GEN1: variants seen among roughly 807,000 people sequenced by gnomAD.
GEN1 encodes GEN1 structure-specific endonuclease, also known as flap endonuclease GEN homolog 1.
Under a neutral mutation model 67.6 loss-of-function variants are expected in GEN1, and 64 were observed. The ratio of observed to expected loss-of-function variants is 0.95; its 90% CI spans 0.77 to 1.17. GEN1 has a LOEUF of 1.17. Ranked by LOEUF, GEN1 falls within the 50% of genes most tolerant of loss-of-function variation. GEN1 has a pLI of 0.00. For missense variants in GEN1, 1,058 were observed against 1,048.3 expected (o/e 1.01, Z -0.13); for synonymous variants, 371 against 359.4 (o/e 1.03, Z -0.37).
Position 17,780,613 on chromosome 2 carries a change from C to A in GEN1, c.1409-8C>A. ...AATGTTGATTATATGTATTTTTTTT[C>A]TTTTCAGGTATTAAGCCTAAAGAAA... is the stretch of plus-strand genomic sequence containing the variant. On this transcript the variant is annotated splice_region_variant and splice_polypyrimidine_tract_variant and intron_variant, in intron 13 of 13. Transcript: ENST00000381254. 1.3e-6 allele frequency: 2 copies of A among 1,498,084 alleles called. No homozygotes were observed. The highest frequency in any genetic ancestry group is 2.6e-5 in the South Asian group (2 of 76,128). 92.8% of individuals were successfully genotyped at this position (1,498,084 alleles called of 1,614,324 possible).
At chr2:17,769,531 T>C (rs1312987884) in intron 6 of GEN1, among the ~76,000 whole-genome samples, 1 of 152,238 alleles carries the variant, frequency 6.6e-6, no homozygotes, top group Non-Finnish European at 1.5e-5. Context: ...AAAATAATTT[T>C]GTATTTAATA....
intron 12 of GEN1, among the ~76,000 whole-genome samples, chr2:17,779,753 C>T (rs1232781766): frequency 2.0e-5 from 3 of 152,084 alleles, no homozygotes; most frequent in Non-Finnish European, 2.9e-5. Flanking sequence ...AGGCACGCAC[C>T]AGCATGCCCG....
chr2:17,764,481 A>T (rs1671829277), intron 3 of GEN1, among the ~76,000 whole-genome samples: 1 of 152,234 alleles, frequency 6.6e-6, no homozygotes, highest in Non-Finnish European at 1.5e-5. Flanking sequence ...TTAATTTTTT[A>T]TTACAGAAAA....
intron 5 of GEN1, 102 bp from the exon 6 acceptor site, chr2:17,768,636 T>TA (rs1572401823): frequency 1.3e-6 from 1 of 796,750 alleles, no homozygotes; most frequent in Non-Finnish European, 2.1e-6. Flanking sequence ...ATTGAAGAGT[T>TA]ACCTCATTCT....
At chr2:17,770,495 G>A (rs1018911364) in intron 6 of GEN1, among the ~76,000 whole-genome samples, 6 of 152,080 alleles carry the variant, frequency 3.9e-5, no homozygotes, top group African/African-American at 1.4e-4. Context: ...ACTTGTTTAA[G>A]TAGAGGAACA....
In GEN1 at chr2:17,782,689, C is replaced by A. The variant is rs1370894936; in HGVS notation, c.*750C>A. Reference sequence around the variant, plus strand: ...AAGATTTGGAAAATCAAATGTATAACCAAAAGGATTAGAAACTAGCCCAGG... The same window carrying A: ...AAGATTTGGAAAATCAAATGTATAAACAAAAGGATTAGAAACTAGCCCAGG... On this transcript the variant is annotated 3_prime_UTR_variant, in exon 14 of 14. Transcript: ENST00000381254. The A allele has an allele frequency of 1.3e-5, 2 of 152,120 alleles. No homozygotes were observed. The highest frequency in any genetic ancestry group is 1.3e-4 in the Admixed American group (2 of 15,280). The allele number at this position is 152,120 out of a possible 1,614,324, so 9.4% of individuals were successfully genotyped here.
chr2:17,780,604 A>AT lies in GEN1; in HGVS notation c.1409-9dup, dbSNP rs751718144. The AT allele has an allele frequency of 2.8e-5, 40 of 1,444,028 alleles. No homozygotes were observed. Among genetic ancestry groups the AT allele is most frequent in the African/African-American group, 8.5e-5 (6 of 70,214 alleles). The allele number at this position is 1,444,028 out of a possible 1,614,324, so 89.5% of individuals were successfully genotyped here. On this transcript the variant is annotated splice_polypyrimidine_tract_variant and intron_variant, in intron 13 of 13. Transcript: ENST00000381254. ...AAGAAAATAAATGTTGATTATATGTATTTTTTTTCTTTTCAGGTATTAAGC... is the reference window on the plus strand; with the variant it reads ...AAGAAAATAAATGTTGATTATATGTATTTTTTTTTCTTTTCAGGTATTAAGC...
intron 7 of GEN1, among the ~76,000 whole-genome samples, 192 bp downstream of exon 7, chr2:17,771,479 A>G (rs1187321243): frequency 6.6e-6 from 1 of 152,164 alleles, no homozygotes; most frequent in African/African-American, 2.4e-5. Context: ...TGTTTATTGA[A>G]ACCAATAATG....
intron 12 of GEN1, among the ~76,000 whole-genome samples, chr2:17,779,221 C>A (rs1672706185): frequency 1.3e-5 from 2 of 152,176 alleles, no homozygotes; most frequent in African/African-American, 4.8e-5. Flanking sequence ...CTGCGCCCAG[C>A]CTGGAAAGTA....
chr2:17,780,263 T>C, intron 13 of GEN1, 142 bp downstream of exon 13: 1 of 692,830 alleles, frequency 1.4e-6, no homozygotes, highest in East Asian at 2.8e-5. Flanking sequence ...TCCTTCTTTG[T>C]CTTCACATAC....
intron 1 of GEN1, chr2:17,755,171 T>G (rs1671358388): frequency 6.6e-6 from 1 of 152,212 alleles, no homozygotes; most frequent in African/African-American, 2.4e-5. Context: ...AAATATGACA[T>G]AGTCAAAATA....
intron 5 of GEN1, among the ~76,000 whole-genome samples, chr2:17,768,249 T>G (rs1672021910): frequency 6.6e-6 from 1 of 152,220 alleles, no homozygotes; most frequent in African/African-American, 2.4e-5. Flanking sequence ...AAATTCACAC[T>G]TTAAATTTTC....
chr2:17,759,882 C>T, intron 1 of GEN1, 47 bp from the exon 2 acceptor site: 2 of 1,499,502 alleles, frequency 1.3e-6, no homozygotes, highest in Non-Finnish European at 1.8e-6. Flanking sequence ...CTGTTATGAG[C>T]TTCTGTTTCT....
rs984667395 is a variant in GEN1, at chr2:17,784,277, A to T, written c.*2338A>T. ...TCAGGAAAATGCAAATCAAAACCAC[A>T]AGACACCCAATGTCTACAATCAAAA... is the stretch of plus-strand genomic sequence containing the variant. On this transcript the variant is annotated 3_prime_UTR_variant, in exon 14 of 14. Transcript: ENST00000381254. The T allele has an allele frequency of 6.6e-6, 1 of 152,236 alleles. No individual in the cohort carries two copies. Among genetic ancestry groups the T allele is most frequent in the African/African-American group, 2.4e-5 (1 of 41,446 alleles). The allele number at this position is 152,236 out of a possible 1,614,324, so 9.4% of individuals were successfully genotyped here.
At chr2:17,773,671 C>T (rs1672297324) in intron 10 of GEN1, among the ~76,000 whole-genome samples, 1 of 151,976 alleles carries the variant, frequency 6.6e-6, no homozygotes, top group African/African-American at 2.4e-5. Context: ...TAAATTTGGA[C>T]CGTATTCCAC....
At position 17,772,647 on chromosome 2, in the gene GEN1, T is replaced by C; in HGVS notation, c.816T>C (p.Asp272=). ...GTCTCCATAAAGGTTCACCTAAGGA[T>C]CATGAACGTAATGGATGCAGATTAT... is the stretch of plus-strand genomic sequence containing the variant. The part of the protein sequence containing the change: ...SVCSHPGSPK[D]HERNGCRLCK... Residue 272 remains aspartate, a synonymous_variant, in exon 8 of 14, where the codon GAT becomes GAC. Transcript: ENST00000381254. 2 of 1,610,292 alleles carry C rather than the reference T, an allele frequency of 1.2e-6. No individual in the cohort carries two copies. Among genetic ancestry groups the C allele is most frequent in the South Asian group, 1.1e-5 (1 of 90,682 alleles).
rs1463399504 is a variant in GEN1 at position 17,785,921 on chromosome 2, T to A, written c.*3982T>A. The A allele has an allele frequency of 6.6e-6, 1 of 152,082 alleles. No individual in the cohort carries two copies. The highest frequency in any genetic ancestry group is 1.9e-4 in the East Asian group (1 of 5,180). The allele number at this position is 152,082 out of a possible 1,614,324, so 9.4% of individuals were successfully genotyped here. A position where few individuals can be genotyped will look rare whatever the true frequency, so the allele number is the denominator to read the frequency against. On this transcript the variant is annotated 3_prime_UTR_variant, in exon 14 of 14. Transcript: ENST00000381254. ...AATTAAAATTTAAATTAAAAAAAAA[T>A]ATACAATCTCCGTCTTCTAGATTTT...
intron 12 of GEN1, among the ~76,000 whole-genome samples, chr2:17,778,348 A>G (rs866951201): frequency 0.032 from 212 of 6,718 alleles, 71 homozygotes; most frequent in Non-Finnish European, 0.087. Flanking sequence ...ATACACACAC[A>G]TGTGTGTACA....
At chr2:17,767,092 T>G (rs1039022516) in intron 5 of GEN1, among the ~76,000 whole-genome samples, 3 of 152,346 alleles carry the variant, frequency 2.0e-5, no homozygotes, top group East Asian at 1.9e-4. Context: ...TCAATGCTAT[T>G]ACTGTTGCTA....
Sources: allele counts gnomAD v4.1 joint callset (sites outside exome capture counted in the v4.1 genomes callset), GRCh38; gene constraint gnomAD v4.1.1; transcripts MANE v1.5; gene names NCBI Gene and HGNC (gene_info 2026-07-23, HGNC 2026-07-21).